Variants in PLEKHA7 observed in about 807,000 individuals in gnomAD.
PLEKHA7 encodes pleckstrin homology domain containing A7.
In PLEKHA7, 104 loss-of-function variants were observed where a neutral mutation model predicts 170.0. That is an observed-to-expected ratio of 0.61 (90% CI 0.52 to 0.72). PLEKHA7 has a LOEUF of 0.72. Ranked by LOEUF, PLEKHA7 falls within the 30% of genes least tolerant of loss-of-function variation. PLEKHA7 has a pLI of 0.00. For missense variants in PLEKHA7, 1,615 were observed against 1,671.7 expected (o/e 0.97, Z 0.59); for synonymous variants, 648 against 660.8 (o/e 0.98, Z 0.30).
chr11:16,907,396 G>GC (rs1857877807), intron 3 of PLEKHA7, among the ~76,000 whole-genome samples: 1 of 133,588 alleles, frequency 7.5e-6, no homozygotes, highest in African/African-American at 2.8e-5. Flanking sequence ...GGTGGGGTCA[G>GC]CCCCCCGCCC....
In PLEKHA7 at chr11:16,875,353, A is replaced by AT. The variant is rs10710066; in HGVS notation, c.222-4172dup. Among the ~76,000 whole-genome samples, 773 of 148,136 alleles carry AT rather than the reference A, an allele frequency of 5.2e-3. 4 individuals carry two copies. Among genetic ancestry groups the AT allele is most frequent in the African/African-American group, 0.013 (538 of 40,314 alleles). On this transcript the variant is annotated intron_variant, in intron 3 of 26. Coordinates refer to ENST00000531066, the MANE Select transcript of PLEKHA7 (RefSeq NM_001329630.2). ...TTATGGGATGTTACTAGAATACTAA[A>AT]TTTTTTTTTTTTTTCAAAAAGACTC...
intron 3 of PLEKHA7, among the ~76,000 whole-genome samples, chr11:16,957,694 TTTC>T (rs1217909981): frequency 0.013 from 1,641 of 127,924 alleles, 64 homozygotes; most frequent in East Asian, 0.026. Context: ...CAATAATTTT[TTTC>T]TTTTTTTTTT....
intron 13 of PLEKHA7, 96 bp downstream of exon 13, chr11:16,813,017 A>C: frequency 1.0e-6 from 1 of 989,236 alleles, no homozygotes; most frequent in Middle Eastern, 2.2e-4. Context: ...ATTGGATAAG[A>C]CCTGTCTGGC....
At chr11:16,895,063 C>A (rs1856915542) in intron 3 of PLEKHA7, among the ~76,000 whole-genome samples, 1 of 152,066 alleles carries the variant, frequency 6.6e-6, no homozygotes, top group African/African-American at 2.4e-5. Context: ...CTTTTTGACT[C>A]CAGAGGTGGA....
intron 3 of PLEKHA7, among the ~76,000 whole-genome samples, chr11:16,926,986 A>G (rs1859599048): frequency 6.7e-6 from 1 of 148,198 alleles, no homozygotes. Context: ...AATCCCTTCC[A>G]CTCTCTGGTA....
chr11:16,816,002 G>A (rs1289548291), intron 12 of PLEKHA7, among the ~76,000 whole-genome samples, 176 bp downstream of exon 12: 1 of 152,042 alleles, frequency 6.6e-6, no homozygotes, highest in African/African-American at 2.4e-5. Flanking sequence ...CTTCACTGGG[G>A]ACCCAGTGAC....
chr11:16,851,043 T>C, intron 8 of PLEKHA7, 148 bp downstream of exon 8: 1 of 553,158 alleles, frequency 1.8e-6, no homozygotes, highest in Non-Finnish European at 3.1e-6. Context: ...ATATTATTCT[T>C]GTTTAAATAA....
At chr11:16,858,492 A>C (rs1018003986) in intron 4 of PLEKHA7, among the ~76,000 whole-genome samples, 2 of 143,156 alleles carry the variant, frequency 1.4e-5, no homozygotes, top group African/African-American at 5.2e-5. Flanking sequence ...TCTTTAACAA[A>C]TTTTTTTTTT....
intron 3 of PLEKHA7, among the ~76,000 whole-genome samples, chr11:16,947,240 G>A (rs995151847): frequency 6.6e-6 from 1 of 152,182 alleles, no homozygotes; most frequent in Admixed American, 6.5e-5. Flanking sequence ...TACACTGTTG[G>A]TGGGAATGTA....
intron 3 of PLEKHA7, among the ~76,000 whole-genome samples, chr11:16,976,023 T>G (rs1863040136): frequency 6.6e-6 from 1 of 152,234 alleles, no homozygotes; most frequent in South Asian, 2.1e-4. Flanking sequence ...ATGAATGGTC[T>G]GCATCCCTCT....
At chr11:16,801,592 AC>A in intron 16 of PLEKHA7, 75 bp downstream of exon 16, 1 of 1,565,388 alleles carries the variant, frequency 6.4e-7, no homozygotes, top group Non-Finnish European at 8.7e-7. Flanking sequence ...CAACTCAACT[AC>A]ATCTTGGGAG....
At chr11:16,780,045 G>A (rs989943489) in intron 26 of PLEKHA7, among the ~76,000 whole-genome samples, 26 of 151,844 alleles carry the variant, frequency 1.7e-4, no homozygotes, top group African/African-American at 5.3e-4. Flanking sequence ...CACAATGCCT[G>A]GCACACAGCA....
intron 3 of PLEKHA7, among the ~76,000 whole-genome samples, chr11:16,959,736 T>C (rs983675446): frequency 6.6e-6 from 1 of 152,224 alleles, no homozygotes; most frequent in Non-Finnish European, 1.5e-5. Flanking sequence ...AAATCTAATC[T>C]GTGTTAATTA....
At chr11:16,781,048 C>T in intron 26 of PLEKHA7, 1 of 984,868 alleles carries the variant, frequency 1.0e-6, no homozygotes. Context: ...GGGCCAGCTG[C>T]TGTGCTAGAT....
At chr11:16,901,720 A>T (rs1176666580) in intron 3 of PLEKHA7, among the ~76,000 whole-genome samples, 4 of 152,040 alleles carry the variant, frequency 2.6e-5, no homozygotes, top group Admixed American at 2.0e-4. Context: ...AATACAAAAA[A>T]ATTAGCTGGG....
rs192693881 is a variant in PLEKHA7, at chr11:16,824,122, G to A, written c.1343+1998C>T. Among the ~76,000 whole-genome samples, 3 of 152,238 alleles carry A rather than the reference G, an allele frequency of 2.0e-5. No individual in the cohort carries two copies. In the East Asian group the frequency reaches 5.8e-4, roughly 29 times the overall value. ...CAGAGGCTGGGAAGGGTAGTGGGCA[G>A]GGGGGAGTAGGGATGCTTAATGGGT... is the stretch of plus-strand genomic sequence containing the variant. On this transcript the variant is annotated intron_variant, in intron 10 of 26. Transcript: ENST00000531066.
intron 3 of PLEKHA7, among the ~76,000 whole-genome samples, chr11:16,875,691 C>A (rs1025248660): frequency 3.3e-5 from 5 of 152,124 alleles, no homozygotes; most frequent in African/African-American, 1.2e-4. Context: ...GCAATCTACC[C>A]CCTTGGGCCC....
chr11:16,939,795 A>T (rs929442202), intron 3 of PLEKHA7, among the ~76,000 whole-genome samples: 1 of 152,202 alleles, frequency 6.6e-6, no homozygotes, highest in East Asian at 1.9e-4. Flanking sequence ...TTAATGAGCC[A>T]GAGAATTTCT....
At chr11:16,794,334 A>C (rs1460723416) in intron 19 of PLEKHA7, among the ~76,000 whole-genome samples, 154 bp downstream of exon 19, 2 of 152,080 alleles carry the variant, frequency 1.3e-5, no homozygotes, top group African/African-American at 4.8e-5. Context: ...TAGCAGGGAA[A>C]TACTACTTTT....
Sources: allele counts gnomAD v4.1 joint callset (sites outside exome capture counted in the v4.1 genomes callset), GRCh38; gene constraint gnomAD v4.1.1; transcripts MANE v1.5; gene names NCBI Gene and HGNC (gene_info 2026-07-23, HGNC 2026-07-21).